The following SUPT3H variants were observed in gnomAD, a reference collection of about 807,000 sequenced individuals.
SUPT3H encodes transcription initiation protein SPT3 homolog.
In SUPT3H, 44 loss-of-function variants were observed where a neutral mutation model predicts 44.3. The ratio of observed to expected loss-of-function variants is 0.99; its 90% CI spans 0.78 to 1.28. SUPT3H has a LOEUF of 1.28. SUPT3H is among the 50% of genes most tolerant of loss of function. The pLI, the probability that SUPT3H is intolerant of heterozygous loss-of-function variation, is 0.00. For missense variants in SUPT3H, 380 were observed against 387.1 expected, an observed-to-expected ratio of 0.98 and a Z score of 0.15; for synonymous variants, 124 against 125.6, an observed-to-expected ratio of 0.99 and a Z score of 0.09.
intron 9 of SUPT3H, among the ~76,000 whole-genome samples, chr6:44,941,835 C>T (rs145520653): frequency 1.3e-5 from 2 of 152,210 alleles, no homozygotes; most frequent in East Asian, 3.9e-4. Context: ...ACCATTATAG[C>T]ATCATAGCTG....
chr6:45,120,252 T>C (rs1801421959), intron 2 of SUPT3H, among the ~76,000 whole-genome samples: 1 of 151,784 alleles, frequency 6.6e-6, no homozygotes, highest in South Asian at 2.1e-4. Context: ...AAGTAATTTA[T>C]TTCAGTTTCC....
At chr6:45,295,536 A>C (rs866732740) in intron 2 of SUPT3H, among the ~76,000 whole-genome samples, 2,082 of 145,992 alleles carry the variant, frequency 0.014, 73 homozygotes, top group African/African-American at 0.05. Flanking sequence ...AAAAAAAAAA[A>C]AAAAAAAAAA....
At chr6:45,323,463 C>T (rs1331204658) in intron 2 of SUPT3H, among the ~76,000 whole-genome samples, 2 of 151,898 alleles carry the variant, frequency 1.3e-5, no homozygotes, top group Admixed American at 6.6e-5. Flanking sequence ...CAGTAAAGCA[C>T]ATAGACTGAT....
chr6:45,314,758 C>A lies in SUPT3H; in HGVS notation c.101+50443G>T, dbSNP rs536380381. ...CAAAGCAATCCCCATCAAAATAGCA[C>A]CACCATTCTCCACAGTTAGAAAAAA... On this transcript the variant is annotated intron_variant, in intron 2 of 10. Transcript: ENST00000371459. Among the ~76,000 whole-genome samples, 3 of 151,916 alleles carry A rather than the reference C, an allele frequency of 2.0e-5. No individual in the cohort carries two copies. In the East Asian group the frequency reaches 5.8e-4, roughly 29 times the overall value.
At chr6:45,211,050 G>A (rs1764005884) in intron 2 of SUPT3H, among the ~76,000 whole-genome samples, 1 of 152,096 alleles carries the variant, frequency 6.6e-6, no homozygotes, top group Non-Finnish European at 1.5e-5. Context: ...AAAGGAGCAT[G>A]GGAAAAGGTG....
chr6:45,349,561 G>T (rs1791602067), intron 2 of SUPT3H, among the ~76,000 whole-genome samples: 1 of 152,184 alleles, frequency 6.6e-6, no homozygotes, highest in Admixed American at 6.5e-5. Context: ...AGACCCAGCA[G>T]TTTAATGGTT....
intron 2 of SUPT3H, among the ~76,000 whole-genome samples, chr6:45,248,785 C>T (rs902816840): frequency 1.3e-5 from 2 of 151,796 alleles, no homozygotes; most frequent in Non-Finnish European, 2.9e-5. Context: ...CATGGTGGAG[C>T]GCACCTGTAG....
chr6:45,351,226 A>G (rs73444679), intron 2 of SUPT3H, among the ~76,000 whole-genome samples: 7,341 of 152,098 alleles, frequency 0.048, 602 homozygotes, highest in African/African-American at 0.17. Flanking sequence ...AATTAGTGAA[A>G]ACACTTCAAG....
chr6:44,854,729 A>T (rs1170154780), intron 10 of SUPT3H, among the ~76,000 whole-genome samples: 4 of 152,238 alleles, frequency 2.6e-5, no homozygotes, highest in African/African-American at 9.6e-5. Context: ...CAGCATTTAA[A>T]TGTATCTAAA....
intron 5 of SUPT3H, among the ~76,000 whole-genome samples, chr6:45,007,723 A>C (rs1782911493): frequency 6.7e-6 from 1 of 149,876 alleles, no homozygotes; most frequent in African/African-American, 2.5e-5. Flanking sequence ...CCTCACCCTA[A>C]GTATTCCCCC....
rs1239273155 is a variant in SUPT3H, at chr6:45,054,885, G to A, written c.187-34253C>T. 1.3e-5 allele frequency among the ~76,000 whole-genome samples: 2 copies of A among 152,038 alleles called. 1 individual carries two copies. Among genetic ancestry groups the A allele is most frequent in the African/African-American group, 4.8e-5 (2 of 41,406 alleles). ...TACATACAGATTTCTCAGCAAAAGT[G>A]GAAGCCTTATGGGTTCAAAATGTTT... is the stretch of plus-strand genomic sequence containing the variant. On this transcript the variant is annotated intron_variant, in intron 3 of 10. Coordinates refer to ENST00000371459, the MANE Select transcript of SUPT3H (RefSeq NM_003599.4).
intron 10 of SUPT3H, among the ~76,000 whole-genome samples, chr6:44,921,148 T>G (rs1394275514): frequency 6.6e-6 from 1 of 152,196 alleles, no homozygotes; most frequent in Non-Finnish European, 1.5e-5. Flanking sequence ...AACACAATGT[T>G]TGGCACATGC....
chr6:44,927,248 A>G (rs1021036636), intron 10 of SUPT3H, among the ~76,000 whole-genome samples: 2 of 152,128 alleles, frequency 1.3e-5, no homozygotes, highest in Non-Finnish European at 2.9e-5. Flanking sequence ...TAAATTATTA[A>G]TATGTATATA....
intron 2 of SUPT3H, among the ~76,000 whole-genome samples, chr6:45,174,993 C>T (rs1584021812): frequency 2.2e-5 from 2 of 92,008 alleles, no homozygotes; most frequent in Admixed American, 3.5e-4. Flanking sequence ...GCCTGGGCAA[C>T]ATAGTGAGCC....
chr6:45,075,769 C>A (rs921488687), intron 3 of SUPT3H, among the ~76,000 whole-genome samples: 2 of 149,742 alleles, frequency 1.3e-5, no homozygotes, highest in African/African-American at 2.5e-5. Context: ...ATTTTTAATT[C>A]TTCCAAGTTC....
At chr6:45,147,252 G>A (rs1480326495) in intron 2 of SUPT3H, among the ~76,000 whole-genome samples, 7 of 152,052 alleles carry the variant, frequency 4.6e-5, no homozygotes, top group Admixed American at 6.6e-5. Flanking sequence ...TTTAAAATAC[G>A]TTGTCCTCGT....
At chr6:45,235,121 T>C (rs562353261) in intron 2 of SUPT3H, among the ~76,000 whole-genome samples, 2 of 152,302 alleles carry the variant, frequency 1.3e-5, no homozygotes, top group African/African-American at 4.8e-5. Context: ...TGACAAATGC[T>C]TTATCTAAAA....
chr6:44,974,260 T>C (rs1410975484), intron 6 of SUPT3H, among the ~76,000 whole-genome samples: 1 of 150,108 alleles, frequency 6.7e-6, no homozygotes, highest in East Asian at 2.0e-4. Flanking sequence ...TATATATAAA[T>C]ATATATATGT....
At chr6:44,991,369 A>G (rs2153498016) in intron 6 of SUPT3H, among the ~76,000 whole-genome samples, 1 of 152,250 alleles carries the variant, frequency 6.6e-6, no homozygotes, top group Admixed American at 6.5e-5. Flanking sequence ...GCTCTCTAGA[A>G]AATGGAGAAT....
Sources: gnomAD v4.1 joint callset for allele counts (sites outside exome capture counted in the v4.1 genomes callset) on GRCh38, gnomAD v4.1.1 for gene constraint, MANE v1.5 for transcripts, NCBI Gene and HGNC (gene_info 2026-07-23, HGNC 2026-07-21) for gene names.